NPFFR1: variants seen among roughly 807,000 people sequenced by gnomAD.
NPFFR1 encodes neuropeptide FF receptor 1.
NPFFR1 carries 17 observed loss-of-function variants against 12.7 expected under a neutral mutation model. The observed-to-expected ratio is 1.34, with a 90% CI of 0.92 to 2.01. NPFFR1 has a LOEUF of 2.01. Ranked by LOEUF, NPFFR1 falls within the 30% of genes most tolerant of loss-of-function variation. The pLI is 0.00. For missense variants in NPFFR1, 604 were observed against 606.5 expected, an observed-to-expected ratio of 1.00 and a Z score of 0.04; for synonymous variants, 296 against 264.5, an observed-to-expected ratio of 1.12 and a Z score of -1.16.
intron 1 of NPFFR1, among the ~76,000 whole-genome samples, chr10:70,281,334 A>G (rs1193918637): frequency 6.6e-6 from 1 of 152,146 alleles, no homozygotes; most frequent in Non-Finnish European, 1.5e-5. Flanking sequence ...TTCACCCTGC[A>G]CTTTTCTCAG....
chr10:70,255,363 C>G lies in NPFFR1; in HGVS notation c.887G>C (p.Gly296Ala). 1 of 1,558,464 alleles carries G rather than the reference C, an allele frequency of 6.4e-7. No homozygotes were observed. Among genetic ancestry groups the G allele is most frequent in the Non-Finnish European group, 8.7e-7 (1 of 1,155,756 alleles). The change falls in exon 4 of 4, where the codon GGG becomes GCG. Residue 296 changes from glycine to alanine, a missense_variant. Coordinates refer to ENST00000277942, the MANE Select transcript of NPFFR1 (RefSeq NM_022146.5). The surrounding 1 kb of genome is among the most constrained non-coding windows in gnomAD (Gnocchi z 4.2). ...LWALLLLIDY[G>A]QLSAPQLHLV... is the part of the protein sequence containing the mutation. ...GTGCAGCTGCGGCGCGCTGAGCTGC[C>G]CGTAGTCGATGAGCAGCAGCAGCGC... is the stretch of plus-strand genomic sequence containing the variant.
intron 1 of NPFFR1, among the ~76,000 whole-genome samples, chr10:70,267,348 T>A (rs1840704162): frequency 6.6e-6 from 1 of 152,136 alleles, no homozygotes; most frequent in African/African-American, 2.4e-5. Context: ...CACTTCCACA[T>A]CTATTATTTT....
At chr10:70,264,426 T>G (rs1263792769) in intron 2 of NPFFR1, among the ~76,000 whole-genome samples, 1 of 150,982 alleles carries the variant, frequency 6.6e-6, no homozygotes, top group Non-Finnish European at 1.5e-5. Context: ...GAAGTTTTAT[T>G]TAATTGCAGA....
intron 2 of NPFFR1, among the ~76,000 whole-genome samples, chr10:70,265,355 CTT>C (rs1396858599): frequency 6.6e-6 from 1 of 152,278 alleles, no homozygotes; most frequent in Admixed American, 6.5e-5. Flanking sequence ...TTGGTGGAAA[CTT>C]GATTCTAAAA....
Position 70,254,951 on chromosome 10 carries a change from A to C in NPFFR1, c.*6T>G, listed in dbSNP as rs1589908143. 11 of 1,397,372 alleles carry C rather than the reference A, an allele frequency of 7.9e-6. No homozygotes were observed. The highest frequency in any genetic ancestry group is 1.0e-5 in the Non-Finnish European group (11 of 1,078,446). 86.6% of individuals were successfully genotyped at this position (1,397,372 alleles called of 1,614,324 possible). ...TGAGGCAGCGTCCCGCCCTCCCTGG[A>C]CCCCCTCAGATATCCCAGGCTGGAA... On this transcript the variant is annotated 3_prime_UTR_variant, in exon 4 of 4. Coordinates refer to ENST00000277942, the MANE Select transcript of NPFFR1 (RefSeq NM_022146.5).
At chr10:70,262,899 A>G (rs1445127785) in intron 2 of NPFFR1, among the ~76,000 whole-genome samples, 2 of 152,220 alleles carry the variant, frequency 1.3e-5, no homozygotes, top group Non-Finnish European at 2.9e-5. Flanking sequence ...AGCCAGGTGT[A>G]GTAATCCCAG....
intron 1 of NPFFR1, among the ~76,000 whole-genome samples, chr10:70,268,946 C>T (rs945211532): frequency 7.2e-5 from 11 of 152,134 alleles, no homozygotes; most frequent in Non-Finnish European, 1.5e-4. Context: ...TACCACCATC[C>T]CCATATTGCA....
chr10:70,272,238 A>G (rs57117579), intron 1 of NPFFR1, among the ~76,000 whole-genome samples: 8 of 139,896 alleles, frequency 5.7e-5, no homozygotes, highest in African/African-American at 7.9e-5. Flanking sequence ...GAAAGAAAGA[A>G]AGAAAGAAGA....
Position 70,254,639 on chromosome 10 carries a change from A to G in NPFFR1, c.*318T>C. 3.3e-6 allele frequency: 1 copy of G among 301,500 alleles called. No homozygotes were observed. Among genetic ancestry groups the G allele is most frequent in the Non-Finnish European group, 6.1e-6 (1 of 164,682 alleles). The allele number at this position is 301,500 out of a possible 1,614,324, so 18.7% of individuals were successfully genotyped here. On this transcript the variant is annotated 3_prime_UTR_variant, in exon 4 of 4. Transcript: ENST00000277942. The stretch of plus-strand genomic sequence containing the variant: ...CACCTGAGAAACTTGGGTGAGTCAC[A>G]TCTCTCCAGGCCTCAGTTTTTGCAT...
intron 2 of NPFFR1, among the ~76,000 whole-genome samples, chr10:70,265,015 T>A (rs1840675354): frequency 6.6e-6 from 1 of 152,136 alleles, no homozygotes; most frequent in Non-Finnish European, 1.5e-5. Flanking sequence ...TGTGTCTATG[T>A]GTTGGAAAGG....
chr10:70,283,635 C>G lies in NPFFR1; in HGVS notation c.7+35G>C, dbSNP rs1259222025. On this transcript the variant is annotated intron_variant, in intron 1 of 3. Coordinates refer to ENST00000277942, the MANE Select transcript of NPFFR1 (RefSeq NM_022146.5). ...CCCATGCCCCGGAGTCGGTACCCTG[C>G]CCCACGGCTGGCCCCCAGCCCCAGG... 8 of 1,530,360 alleles carry G rather than the reference C, an allele frequency of 5.2e-6. No homozygotes were observed. In the East Asian group the frequency reaches 2.0e-4, roughly 37 times the overall value. 94.8% of individuals were successfully genotyped at this position (1,530,360 alleles called of 1,614,324 possible). A position where few individuals can be genotyped will look rare whatever the true frequency, so the allele number is the denominator to read the frequency against.
intron 2 of NPFFR1, among the ~76,000 whole-genome samples, chr10:70,261,990 A>T (rs1191193368): frequency 1.3e-5 from 2 of 152,220 alleles, no homozygotes; most frequent in Non-Finnish European, 2.9e-5. Flanking sequence ...TGTGAGAAAA[A>T]AGAGATTAAG....
At position 70,255,412 on chromosome 10, in the gene NPFFR1, T is replaced by TGAAGAACAGCGC. The variant is rs1240612464; in HGVS notation, c.826_837dup (p.Ala276_Phe279dup). On this transcript the variant is annotated inframe_insertion, in exon 4 of 4. Transcript: ENST00000277942. This position sits in a 1 kb window ranked among gnomAD's most constrained non-coding sequence, Gnocchi z 4.2. Reference sequence around the variant, plus strand: ...GCCCAGAGCGGCAGCCAGGACAGCGTGAAGAACAGCGCCACCATGACCAGC... The same window carrying TGAAGAACAGCGC: ...GCCCAGAGCGGCAGCCAGGACAGCGTGAAGAACAGCGCGAAGAACAGCGCCACCATGACCAGC... 6.5e-6 allele frequency: 10 copies of TGAAGAACAGCGC among 1,546,358 alleles called. No homozygotes were observed. The highest frequency in any genetic ancestry group is 2.4e-5 in the East Asian group (1 of 40,918).
chr10:70,283,551 A>AG, intron 1 of NPFFR1, 119 bp downstream of exon 1: 1 of 1,008,846 alleles, frequency 9.9e-7, no homozygotes. Flanking sequence ...GAGTGTCACA[A>AG]CGTCTGGCTC....
chr10:70,275,948 G>C (rs1015348777), intron 1 of NPFFR1, among the ~76,000 whole-genome samples: 3 of 152,122 alleles, frequency 2.0e-5, no homozygotes, highest in Non-Finnish European at 4.4e-5. Flanking sequence ...GATTTTGCTG[G>C]GCTCTGGGAT....
In NPFFR1 at chr10:70,248,239, T is replaced by C. The variant is rs551421383; in HGVS notation, c.*6718A>G. ...CCTCCAGTAAGTTACTTTACTTCTC[T>C]GAGCCTTGCTTTTCCAATCTATTGT... On this transcript the variant is annotated 3_prime_UTR_variant, in exon 4 of 4. Coordinates refer to ENST00000277942, the MANE Select transcript of NPFFR1 (RefSeq NM_022146.5). 1 of 152,248 alleles carries C rather than the reference T, an allele frequency of 6.6e-6. No individual in the cohort carries two copies. The highest frequency in any genetic ancestry group is 1.5e-5 in the Non-Finnish European group (1 of 68,044). 9.4% of individuals were successfully genotyped at this position (152,248 alleles called of 1,614,324 possible). A position where few individuals can be genotyped will look rare whatever the true frequency, so the allele number is the denominator to read the frequency against.
chr10:70,283,778 G>T lies in NPFFR1; in HGVS notation c.-102C>A. 7.4e-7 allele frequency: 1 copy of T among 1,345,178 alleles called. No homozygotes were observed. Among genetic ancestry groups the T allele is most frequent in the Non-Finnish European group, 1.0e-6 (1 of 977,708 alleles). The allele number at this position is 1,345,178 out of a possible 1,614,324, so 83.3% of individuals were successfully genotyped here. A position where few individuals can be genotyped will look rare whatever the true frequency, so the allele number is the denominator to read the frequency against. On this transcript the variant is annotated 5_prime_UTR_variant, in exon 1 of 4. Coordinates refer to ENST00000277942, the MANE Select transcript of NPFFR1 (RefSeq NM_022146.5). The stretch of plus-strand genomic sequence containing the variant: ...ACGGTCTCCGGGCACTTGGTTGCGG[G>T]CTGCGCCCCTGCCTCCGCGCTCCGC...
intron 1 of NPFFR1, among the ~76,000 whole-genome samples, chr10:70,268,123 C>T (rs1168139209): frequency 1.3e-5 from 2 of 152,156 alleles, no homozygotes; most frequent in African/African-American, 4.8e-5. Flanking sequence ...ACATCATCTG[C>T]TTTCAACAGT....
intron 1 of NPFFR1, chr10:70,277,869 C>A (rs1318900577): frequency 6.1e-6 from 3 of 491,678 alleles, no homozygotes; most frequent in East Asian, 5.8e-5. Flanking sequence ...AGGGTTACTG[C>A]CCGGCTAACC....
Sources: gnomAD v4.1 joint callset for allele counts (sites outside exome capture counted in the v4.1 genomes callset) on GRCh38, gnomAD v4.1.1 for gene constraint, Gnocchi (gnomAD v3.1) non-coding constraint, MANE v1.5 for transcripts, NCBI Gene and HGNC (gene_info 2026-07-23, HGNC 2026-07-21) for gene names.